The following FAM234B variants were observed in gnomAD, a reference collection of about 807,000 sequenced individuals.
The protein encoded by FAM234B is family with sequence similarity 234 member B, also known as protein FAM234B.
Under a neutral mutation model 69.3 loss-of-function variants are expected in FAM234B, and 33 were observed. The observed-to-expected ratio is 0.48, with a 90% CI of 0.36 to 0.64. FAM234B has a LOEUF of 0.64. Ranked by LOEUF, FAM234B falls within the 30% of genes least tolerant of loss-of-function variation. The probability of loss-of-function intolerance (pLI) is 0.00; values close to 1 mark genes in which losing one functional copy is unlikely to be tolerated. For missense variants in FAM234B, 697 were observed against 769.7 expected (o/e 0.91, Z 1.12); for synonymous variants, 306 against 306.9 (o/e 1.00, Z 0.03).
Position 13,066,775 on chromosome 12 carries a change from C to T in FAM234B, c.988C>T (p.Leu330=), listed in dbSNP as rs1297965102. 4.3e-6 allele frequency: 7 copies of T among 1,612,702 alleles called. No homozygotes were observed. The highest frequency in any genetic ancestry group is 5.9e-6 in the Non-Finnish European group (7 of 1,179,506). Residue 330 remains leucine, a synonymous_variant, in exon 6 of 13, where the codon CTG becomes TTG. Transcript: ENST00000197268. Reference sequence around the variant, plus strand: ...CACCACAAATGGGGCTGTCTACATCCTGTTTGGCTTTGGTAAGAAGCAAGG... The same window carrying T: ...CACCACAAATGGGGCTGTCTACATCTTGTTTGGCTTTGGTAAGAAGCAAGG... The part of the protein sequence containing the change: ...YITTNGAVYI[L]FGFGNIQAVA...
Position 13,081,160 on chromosome 12 carries a change from T to G in FAM234B, c.*530T>G, listed in dbSNP as rs2120517483. 6.6e-6 allele frequency: 1 copy of G among 152,520 alleles called. No individual in the cohort carries two copies. The highest frequency in any genetic ancestry group is 1.9e-4 in the East Asian group (1 of 5,186). The allele number at this position is 152,520 out of a possible 1,614,324, so 9.4% of individuals were successfully genotyped here. ...GAGGGCCACTTATTTCTCTCCTTATTCTTTCCCACCTGTACCTTGGCTACT... is the reference window on the plus strand; with the variant it reads ...GAGGGCCACTTATTTCTCTCCTTATGCTTTCCCACCTGTACCTTGGCTACT... On this transcript the variant is annotated 3_prime_UTR_variant, in exon 13 of 13. Coordinates refer to ENST00000197268, the MANE Select transcript of FAM234B (RefSeq NM_020853.2).
In FAM234B at chr12:13,066,677, GA is replaced by G; in HGVS notation, c.893del (p.Asn298IlefsTer7). The G allele has an allele frequency of 6.2e-7, 1 of 1,613,936 alleles. No individual in the cohort carries two copies. Among genetic ancestry groups the G allele is most frequent in the Non-Finnish European group, 8.5e-7 (1 of 1,179,890 alleles). On this transcript the variant is annotated frameshift_variant, in exon 6 of 13. Coordinates refer to ENST00000197268, the MANE Select transcript of FAM234B (RefSeq NM_020853.2). LOFTEE classifies it high-confidence loss of function. ...LCFLLVSGRT[G>X]NPVGRPVKYN... is the part of the protein sequence containing the mutation. ...TTTCTGCTGGTGTCTGGCCGGACCG[GA>G]AATCCAGTGGGTCGACCTGTGAAGT...
intron 1 of FAM234B, among the ~76,000 whole-genome samples, chr12:13,049,056 TG>T (rs2120440696): frequency 6.6e-6 from 1 of 152,332 alleles, no homozygotes; most frequent in African/African-American, 2.4e-5. Context: ...AGTTGAGATT[TG>T]GGTGGGGACA....
At chr12:13,073,068 G>A (rs1204179956) in intron 10 of FAM234B, among the ~76,000 whole-genome samples, 1 of 152,170 alleles carries the variant, frequency 6.6e-6, no homozygotes, top group African/African-American at 2.4e-5. Context: ...ACTCTCTGGT[G>A]AAGCTTTCCC....
chr12:13,064,850 A>T (rs1421248266), intron 5 of FAM234B, among the ~76,000 whole-genome samples: 1 of 152,186 alleles, frequency 6.6e-6, no homozygotes. Context: ...TAAGTCTGTG[A>T]CTTATAGTGA....
At chr12:13,057,252 A>C (rs1198892872) in intron 2 of FAM234B, among the ~76,000 whole-genome samples, 1 of 152,126 alleles carries the variant, frequency 6.6e-6, no homozygotes, top group African/African-American at 2.4e-5. Flanking sequence ...TGCTGGGATT[A>C]TAGTTGTGAG....
chr12:13,078,848 C>A (rs1865191496), intron 11 of FAM234B, among the ~76,000 whole-genome samples: 1 of 152,016 alleles, frequency 6.6e-6, no homozygotes, highest in South Asian at 2.1e-4. Flanking sequence ...TGAAGGACCT[C>A]TTCAAGGAGA....
rs1480057746 is a variant in FAM234B, at chr12:13,054,839, C to G, written c.38-712C>G. Among the ~76,000 whole-genome samples the G allele has an allele frequency of 2.0e-5, 3 of 152,312 alleles. No homozygotes were observed. In the South Asian group the frequency reaches 6.2e-4, roughly 32 times the overall value. ...AGCTAAGTAAAAACAAAGTGCTTGC[C>G]ATGCAAAGCACCTTCAAGACAAGTC... On this transcript the variant is annotated intron_variant, in intron 1 of 12. Coordinates refer to ENST00000197268, the MANE Select transcript of FAM234B (RefSeq NM_020853.2).
rs1384351555 is a variant in FAM234B at position 13,071,277 on chromosome 12, T to C, written c.1405T>C (p.Trp469Arg). Residue 469 changes from tryptophan (W) to arginine (R), a missense_variant, in exon 10 of 13, where the codon TGG becomes CGG. Physicochemically the swap from Trp to Arg is moderately radical, Grantham distance 101 (BLOSUM62 -3). Transcript: ENST00000197268. ...GGATGGTGACTCTGGCTCCATTGTT[T>C]GGAGTTACCGTGCTCCGTGTCACAT... The part of the protein sequence containing the change: ...VVDGDSGSIV[W>R]SYRAPCHMKE... The C allele has an allele frequency of 1.2e-6, 2 of 1,614,206 alleles. No homozygotes were observed. Among genetic ancestry groups the C allele is most frequent in the Non-Finnish European group, 1.7e-6 (2 of 1,180,032 alleles).
chr12:13,052,732 C>G (rs527774960), intron 1 of FAM234B, among the ~76,000 whole-genome samples: 1 of 152,226 alleles, frequency 6.6e-6, no homozygotes, highest in Admixed American at 6.5e-5. Flanking sequence ...AGCGTAATGT[C>G]CTCAAGGTTC....
intron 9 of FAM234B, 44 bp from the exon 10 acceptor site, chr12:13,071,197 T>C (rs1464723508): frequency 5.6e-6 from 9 of 1,605,570 alleles, no homozygotes; most frequent in Non-Finnish European, 7.7e-6. Flanking sequence ...CCTGCTGCTT[T>C]TTTGAGGCCT....
Position 13,066,915 on chromosome 12 carries a change from C to T in FAM234B, c.1000+128C>T. Reference sequence around the variant, plus strand: ...TTCCCATAGCCTTCTAATGCAGGGGCCTCTTACTGTCCCCCACCGATCACA... The same window carrying T: ...TTCCCATAGCCTTCTAATGCAGGGGTCTCTTACTGTCCCCCACCGATCACA... On this transcript the variant is annotated intron_variant, in intron 6 of 12. Coordinates refer to ENST00000197268, the MANE Select transcript of FAM234B (RefSeq NM_020853.2). 7.4e-6 allele frequency: 8 copies of T among 1,077,002 alleles called. 1 individual carries two copies. The highest frequency in any genetic ancestry group is 4.7e-5 in the South Asian group (3 of 63,432). The allele number at this position is 1,077,002 out of a possible 1,614,324, so 66.7% of individuals were successfully genotyped here.
At chr12:13,064,021 T>C (rs74063233) in intron 5 of FAM234B, among the ~76,000 whole-genome samples, 2,352 of 152,288 alleles carry the variant, frequency 0.015, 56 homozygotes, top group African/African-American at 0.054. Flanking sequence ...TCTGTTAAGA[T>C]TTTGTGGCTT....
At chr12:13,062,803 C>A (rs1281242144) in intron 4 of FAM234B, 42 bp from the exon 5 acceptor site, 20 of 1,606,388 alleles carry the variant, frequency 1.2e-5, no homozygotes, top group Non-Finnish European at 1.4e-5. Flanking sequence ...TTTCCAAAGG[C>A]AAGAAGTTGT....
chr12:13,045,344 A>G (rs1266389623), intron 1 of FAM234B, among the ~76,000 whole-genome samples: 6 of 152,012 alleles, frequency 3.9e-5, no homozygotes, highest in Non-Finnish European at 7.4e-5. Flanking sequence ...AGAAAAATTG[A>G]TGGCTCTACC....
rs1825082149 is a variant in FAM234B, at chr12:13,081,003, A to G, written c.*373A>G. ...GTTGTACATTGTGCTGTGTGTGTGT[A>G]TATTTTAGTGTTGTGGTGAAGTTAT... On this transcript the variant is annotated 3_prime_UTR_variant, in exon 13 of 13. Coordinates refer to ENST00000197268, the MANE Select transcript of FAM234B (RefSeq NM_020853.2). The G allele has an allele frequency of 1.1e-5, 2 of 189,340 alleles. No individual in the cohort carries two copies. Among genetic ancestry groups the G allele is most frequent in the Non-Finnish European group, 2.2e-5 (2 of 92,510 alleles). 11.7% of individuals were successfully genotyped at this position (189,340 alleles called of 1,614,324 possible). A position where few individuals can be genotyped will look rare whatever the true frequency, so the allele number is the denominator to read the frequency against.
rs545790285 is a variant in FAM234B, at chr12:13,045,599, A to ATAATCAT, written c.37+1159_37+1160insTAATCAT. On this transcript the variant is annotated intron_variant, in intron 1 of 12. Transcript: ENST00000197268. ...GATATTAATTTGCGTTTCTGTCCCC[A>ATAATCAT]GACTTCATGACCTCAGACAGATTAT... is the stretch of plus-strand genomic sequence containing the variant. 2.7e-3 allele frequency among the ~76,000 whole-genome samples: 415 copies of ATAATCAT among 152,264 alleles called. 3 individuals are homozygous for ATAATCAT. The highest frequency in any genetic ancestry group is 9.5e-3 in the African/African-American group (393 of 41,560).
At position 13,079,806 on chromosome 12, in the gene FAM234B, T is replaced by G; in HGVS notation, c.1660T>G (p.Trp554Gly). The change falls in exon 12 of 13, where the codon TGG becomes GGG. Residue 554 changes from tryptophan to glycine, a missense_variant. By Grantham distance (184) the Trp-to-Gly change is radical. Around this residue, in one of 3 missense-constraint regions of FAM234B, gnomAD observed 313 missense variants for 305.5 expected, o/e 1.02. Transcript: ENST00000197268. ...TTCCTCAGTTGGAATTAACGACCTC[T>G]GGAAAGATGCCTTTTATGTTACCAG... Reference protein sequence around the residue: ...TASEVGINDLWKDAFYVTRTT... With the variant: ...TASEVGINDLGKDAFYVTRTT... The G allele has an allele frequency of 1.9e-6, 3 of 1,613,724 alleles. No homozygotes were observed. Among genetic ancestry groups the G allele is most frequent in the Non-Finnish European group, 2.5e-6 (3 of 1,179,680 alleles).
intron 11 of FAM234B, among the ~76,000 whole-genome samples, chr12:13,077,880 T>C (rs867582937): frequency 6.6e-6 from 1 of 152,140 alleles, no homozygotes; most frequent in Non-Finnish European, 1.5e-5. Flanking sequence ...TAGTTTACAG[T>C]CCCAACAGTG....
Sources: gnomAD v4.1 joint callset for allele counts (sites outside exome capture counted in the v4.1 genomes callset) on GRCh38, gnomAD v4.1.1 for gene constraint, gnomAD v4.1.1 regional missense constraint, MANE v1.5 for transcripts, NCBI Gene and HGNC (gene_info 2026-07-23, HGNC 2026-07-21) for gene names.